Variants in RTTN observed in about 807,000 individuals in gnomAD.
RTTN encodes rotatin.
A neutral mutation model predicts 269.2 loss-of-function variants in RTTN; 182 were observed. The observed-to-expected ratio is 0.68, with a 90% CI of 0.60 to 0.76. The LOEUF (loss-of-function observed/expected upper bound fraction) is 0.76. RTTN is among the 30% of genes least tolerant of loss of function. The pLI, the probability that RTTN is intolerant of heterozygous loss-of-function variation, is 0.00. For missense variants in RTTN, 2,545 were observed against 2,608.6 expected (o/e 0.98, Z 0.53); for synonymous variants, 1,006 against 963.5 (o/e 1.04, Z -0.82).
chr18:70,022,157 T>A (rs1310831685), intron 44 of RTTN, among the ~76,000 whole-genome samples: 1 of 152,206 alleles, frequency 6.6e-6, no homozygotes, highest in Non-Finnish European at 1.5e-5. Context: ...TTTACTTTCC[T>A]TCCTCTAAAA....
intron 21 of RTTN, 35 bp from the exon 22 acceptor site, chr18:70,135,315 T>C (rs1741833450): frequency 8.2e-7 from 1 of 1,212,808 alleles, no homozygotes; most frequent in Non-Finnish European, 1.2e-6. Flanking sequence ...ATGAAATATT[T>C]GTACGTCTAG....
In RTTN at chr18:70,205,669, C is replaced by CA. The variant is rs2062062892; in HGVS notation, c.-12dup. On this transcript the variant is annotated 5_prime_UTR_variant, in exon 1 of 49. Transcript: ENST00000640769. ...CCCTGCCAGGACCATCTCGTCCCGT[C>CA]AATCTGCAGCCGCCGGAGAATTAAA... 6.2e-7 allele frequency: 1 copy of CA among 1,614,086 alleles called. No individual in the cohort carries two copies. The highest frequency in any genetic ancestry group is 1.7e-5 in the Admixed American group (1 of 60,012).
intron 11 of RTTN, among the ~76,000 whole-genome samples, chr18:70,171,793 G>C (rs1263684074): frequency 1.3e-5 from 2 of 152,188 alleles, no homozygotes; most frequent in Admixed American, 6.5e-5. Flanking sequence ...CTATGAGTCT[G>C]TTAGAAATGC....
At chr18:70,098,070 G>A (rs2059051964) in intron 28 of RTTN, among the ~76,000 whole-genome samples, 1 of 147,288 alleles carries the variant, frequency 6.8e-6, no homozygotes, top group Non-Finnish European at 1.5e-5. Context: ...TATAAACTAG[G>A]TACTTATAGG....
rs539133526 is a variant in RTTN at position 70,016,536 on chromosome 18, C to T, written c.6421+871G>A. On this transcript the variant is annotated intron_variant, in intron 46 of 48. Transcript: ENST00000640769. Reference sequence around the variant, plus strand: ...TCTGGAGCCCACCTTCTGTTTTTCACTAGAACACATGTCTTTTATAAAACT... The same window carrying T: ...TCTGGAGCCCACCTTCTGTTTTTCATTAGAACACATGTCTTTTATAAAACT... Among the ~76,000 whole-genome samples, 3 of 152,276 alleles carry T rather than the reference C, an allele frequency of 2.0e-5. No individual in the cohort carries two copies. The South Asian group carries it at 6.2e-4, about 32-fold the overall frequency.
chr18:70,007,215 G>C (rs1375968100), intron 46 of RTTN: 2 of 152,410 alleles, frequency 1.3e-5, no homozygotes, highest in African/African-American at 4.8e-5. Flanking sequence ...CTGAGGAACG[G>C]TGCATTCCGG....
chr18:70,154,163 AT>A (rs1230508368), intron 14 of RTTN, among the ~76,000 whole-genome samples: 7 of 152,036 alleles, frequency 4.6e-5, no homozygotes, highest in African/African-American at 1.7e-4. Context: ...AATTCAGTGC[AT>A]TTTTTTTAAA....
At chr18:70,163,996 T>C (rs542921603) in intron 14 of RTTN, among the ~76,000 whole-genome samples, 10 of 152,260 alleles carry the variant, frequency 6.6e-5, no homozygotes, top group Admixed American at 2.0e-4. Flanking sequence ...ATTCTACTTA[T>C]ATGAGTTACC....
chr18:70,082,816 G>A (rs374936473), intron 32 of RTTN, among the ~76,000 whole-genome samples: 3 of 151,808 alleles, frequency 2.0e-5, no homozygotes, highest in Non-Finnish European at 4.4e-5. Context: ...TCAGTCTCCT[G>A]AGTAGCTAGG....
chr18:70,022,936 C>T (rs779051176), intron 44 of RTTN, among the ~76,000 whole-genome samples: 4 of 152,144 alleles, frequency 2.6e-5, no homozygotes, highest in Non-Finnish European at 5.9e-5. Flanking sequence ...CAAACAGCCA[C>T]GTGGCTTTAA....
At chr18:70,088,644 T>C (rs994989528) in intron 30 of RTTN, among the ~76,000 whole-genome samples, 4 of 152,174 alleles carry the variant, frequency 2.6e-5, no homozygotes, top group Non-Finnish European at 2.9e-5. Flanking sequence ...CCAAATAAGA[T>C]TGATGTGGTA....
At position 70,139,873 on chromosome 18, in the gene RTTN, A is replaced by G. The variant is rs2060213300; in HGVS notation, c.2671-157T>C. Reference sequence around the variant, plus strand: ...ATACTAGGAATTACTTTCCACTGAAAGTAAGTTTCGTATATACTTCTATCA... The same window carrying G: ...ATACTAGGAATTACTTTCCACTGAAGGTAAGTTTCGTATATACTTCTATCA... On this transcript the variant is annotated intron_variant, in intron 20 of 48. Coordinates refer to ENST00000640769, the MANE Select transcript of RTTN (RefSeq NM_173630.4). The G allele has an allele frequency of 6.3e-6, 4 of 630,050 alleles. No homozygotes were observed. In the African/African-American group the frequency reaches 7.4e-5, roughly 12 times the overall value. The allele number at this position is 630,050 out of a possible 1,614,324, so 39.0% of individuals were successfully genotyped here.
At chr18:70,080,439 G>A (rs988791628) in intron 32 of RTTN, among the ~76,000 whole-genome samples, 9 of 152,100 alleles carry the variant, frequency 5.9e-5, no homozygotes, top group African/African-American at 9.7e-5. Context: ...GAACCATTAT[G>A]AAGAAATTTC....
chr18:70,089,089 A>G (rs1228977851), intron 30 of RTTN, among the ~76,000 whole-genome samples: 2 of 152,068 alleles, frequency 1.3e-5, no homozygotes, highest in Non-Finnish European at 2.9e-5. Flanking sequence ...TTTCTCTTTT[A>G]TATTTTCAAT....
At chr18:70,054,069 G>A (rs770322823) in intron 38 of RTTN, 62 bp downstream of exon 38, 7 of 1,359,708 alleles carry the variant, frequency 5.1e-6, no homozygotes, top group Admixed American at 1.9e-5. Context: ...ATCTGAAACA[G>A]AGTAAGTTTT....
chr18:70,165,709 C>T (rs1007222783), intron 14 of RTTN, among the ~76,000 whole-genome samples: 8 of 150,394 alleles, frequency 5.3e-5, no homozygotes, highest in South Asian at 2.1e-4. Flanking sequence ...TTAAAAAAAA[C>T]AGAATTAAAA....
At chr18:70,185,206 T>C (rs2061520007) in intron 10 of RTTN, among the ~76,000 whole-genome samples, 1 of 152,062 alleles carries the variant, frequency 6.6e-6, no homozygotes, top group African/African-American at 2.4e-5. Context: ...AACTCAAAAT[T>C]AATCAAAGAT....
chr18:70,050,388 G>C (rs2057625433), intron 39 of RTTN, among the ~76,000 whole-genome samples: 2 of 152,172 alleles, frequency 1.3e-5, no homozygotes, highest in African/African-American at 4.8e-5. Flanking sequence ...TCTCAGGCCA[G>C]TTAGAATGGT....
chr18:70,063,954 TC>T (rs1200156027), intron 35 of RTTN, among the ~76,000 whole-genome samples: 1 of 137,524 alleles, frequency 7.3e-6, no homozygotes, highest in African/African-American at 2.6e-5. Flanking sequence ...GGGTATTCTT[TC>T]TTTTATATGC....
Sources: gnomAD v4.1 joint callset for allele counts (sites outside exome capture counted in the v4.1 genomes callset) on GRCh38, gnomAD v4.1.1 for gene constraint, MANE v1.5 for transcripts, NCBI Gene and HGNC (gene_info 2026-07-23, HGNC 2026-07-21) for gene names.